The following WWOX variants were observed in gnomAD, a reference collection of about 807,000 sequenced individuals.
WWOX encodes WW domain-containing oxidoreductase.
Under a neutral mutation model 46.2 loss-of-function variants are expected in WWOX, and 69 were observed. That is an observed-to-expected ratio of 1.49 (90% CI 1.23 to 1.82). The LOEUF (loss-of-function observed/expected upper bound fraction) is 1.82, where lower values mean the gene tolerates loss of function less well. WWOX is among the 40% of genes most tolerant of loss of function. The probability of loss-of-function intolerance (pLI) is 0.00; values close to 1 mark genes in which losing one functional copy is unlikely to be tolerated. For missense variants in WWOX, 919 were observed against 542.6 expected, an observed-to-expected ratio of 1.69 and a Z score of -6.89; for synonymous variants, 359 against 202.6, an observed-to-expected ratio of 1.77 and a Z score of -6.56.
At chr16:78,978,841 C>G (rs947828696) in intron 8 of WWOX, among the ~76,000 whole-genome samples, 4 of 152,170 alleles carry the variant, frequency 2.6e-5, no homozygotes, top group Non-Finnish European at 4.4e-5. Flanking sequence ...CCACCAGGCC[C>G]CACCTCCAAC....
At chr16:78,672,453 C>T (rs2047489646) in intron 8 of WWOX, among the ~76,000 whole-genome samples, 1 of 152,150 alleles carries the variant, frequency 6.6e-6, no homozygotes, top group African/African-American at 2.4e-5. Context: ...TGGGTGTGTG[C>T]ACTCCTCATG....
chr16:78,642,781 A>G (rs954411015), intron 8 of WWOX, among the ~76,000 whole-genome samples: 1 of 152,146 alleles, frequency 6.6e-6, no homozygotes, highest in African/African-American at 2.4e-5. Flanking sequence ...GGCGTGAGGC[A>G]CACTCATGAC....
At chr16:78,747,492 A>G (rs1040000311) in intron 8 of WWOX, among the ~76,000 whole-genome samples, 1 of 152,152 alleles carries the variant, frequency 6.6e-6, no homozygotes, top group African/African-American at 2.4e-5. Context: ...CGTTCTTAGC[A>G]TCTCCCAACA....
intron 8 of WWOX, among the ~76,000 whole-genome samples, chr16:78,612,114 C>T (rs990021279): frequency 6.6e-6 from 1 of 152,192 alleles, no homozygotes; most frequent in African/African-American, 2.4e-5. Flanking sequence ...AATGAGGAAA[C>T]TTGTATTACC....
At chr16:78,926,126 G>T (rs992188744) in intron 8 of WWOX, among the ~76,000 whole-genome samples, 4 of 152,136 alleles carry the variant, frequency 2.6e-5, no homozygotes, top group African/African-American at 7.2e-5. Flanking sequence ...AGCACTTTGG[G>T]AGTGGATGGA....
rs182536484 is a variant in WWOX at position 78,199,862 on chromosome 16, T to C, written c.516+35573T>C. On this transcript the variant is annotated intron_variant, in intron 5 of 8. Transcript: ENST00000566780. Reference sequence around the variant, plus strand: ...TGTAGATTTCACTGTCAATGAGTCATTGACAGGCTAAGCAGGCTGTTGGAT... The same window carrying C: ...TGTAGATTTCACTGTCAATGAGTCACTGACAGGCTAAGCAGGCTGTTGGAT... 1.6e-3 allele frequency among the ~76,000 whole-genome samples: 248 copies of C among 152,294 alleles called. 1 individual carries two copies. Among genetic ancestry groups the C allele is most frequent in the African/African-American group, 5.7e-3 (236 of 41,568 alleles).
chr16:79,020,145 T>TACA (rs2047502141), intron 8 of WWOX, among the ~76,000 whole-genome samples: 1 of 152,172 alleles, frequency 6.6e-6, no homozygotes, highest in African/African-American at 2.4e-5. Flanking sequence ...GGGAGAGTGC[T>TACA]TGTCTTTGAA....
At chr16:79,055,406 G>C (rs1325357446) in intron 8 of WWOX, among the ~76,000 whole-genome samples, 1 of 152,126 alleles carries the variant, frequency 6.6e-6, no homozygotes, top group African/African-American at 2.4e-5. Flanking sequence ...GAATGTGGCT[G>C]AGTGGCCGTG....
At chr16:78,780,972 C>T (rs1454601267) in intron 8 of WWOX, among the ~76,000 whole-genome samples, 1 of 152,178 alleles carries the variant, frequency 6.6e-6, no homozygotes, top group Non-Finnish European at 1.5e-5. Flanking sequence ...CACCTTGGGG[C>T]CAGCCTGCAG....
chr16:78,715,873 C>T lies in WWOX; in HGVS notation c.1056+283121C>T, dbSNP rs184945048. On this transcript the variant is annotated intron_variant, in intron 8 of 8. Coordinates refer to ENST00000566780, the MANE Select transcript of WWOX (RefSeq NM_016373.4). ...TTTGGCATGGGCTGTGTCACATGACCCCTGAGCTGCAAGGAATGCTGGGAT... is the reference window on the plus strand; with the variant it reads ...TTTGGCATGGGCTGTGTCACATGACTCCTGAGCTGCAAGGAATGCTGGGAT... 2.6e-5 allele frequency among the ~76,000 whole-genome samples: 4 copies of T among 152,174 alleles called. No homozygotes were observed. In the East Asian group the frequency reaches 7.8e-4, roughly 29 times the overall value.
At chr16:78,622,779 G>A (rs2046221333) in intron 8 of WWOX, among the ~76,000 whole-genome samples, 1 of 152,136 alleles carries the variant, frequency 6.6e-6, no homozygotes, top group Admixed American at 6.5e-5. Flanking sequence ...AAGGGATTTT[G>A]GAAATACCAT....
chr16:79,120,830 A>G (rs1227389913), intron 8 of WWOX, among the ~76,000 whole-genome samples: 1 of 152,160 alleles, frequency 6.6e-6, no homozygotes, highest in Non-Finnish European at 1.5e-5. Context: ...GTGCAGTGGC[A>G]TGATCTTGGC....
chr16:79,020,992 A>T (rs1437260506), intron 8 of WWOX, among the ~76,000 whole-genome samples: 1 of 152,154 alleles, frequency 6.6e-6, no homozygotes, highest in African/African-American at 2.4e-5. Flanking sequence ...GGTCACCCCA[A>T]GTTATTCAGC....
chr16:79,047,146 TTTCA>T (rs1362664418), intron 8 of WWOX, among the ~76,000 whole-genome samples: 2 of 152,182 alleles, frequency 1.3e-5, no homozygotes, highest in Admixed American at 6.5e-5. Context: ...TCATTTATTC[TTTCA>T]TTCAGTCAAT....
intron 8 of WWOX, among the ~76,000 whole-genome samples, chr16:78,515,644 C>A (rs1033271831): frequency 2.0e-5 from 3 of 152,192 alleles, no homozygotes; most frequent in Non-Finnish European, 4.4e-5. Flanking sequence ...AAGCTTCCGT[C>A]AGCTTTCTTG....
At chr16:79,152,117 CT>C (rs542142723) in intron 8 of WWOX, among the ~76,000 whole-genome samples, 68 of 152,112 alleles carry the variant, frequency 4.5e-4, no homozygotes, top group Non-Finnish European at 8.2e-4. Context: ...CTACTTTTTC[CT>C]GTAGAGTAAA....
chr16:79,148,641 A>C (rs567587169), intron 8 of WWOX, among the ~76,000 whole-genome samples: 1 of 152,326 alleles, frequency 6.6e-6, no homozygotes, highest in African/African-American at 2.4e-5. Context: ...TATAGGTCTA[A>C]CATTAAACCT....
intron 5 of WWOX, among the ~76,000 whole-genome samples, chr16:78,376,501 AC>A (rs2081829784): frequency 6.6e-6 from 1 of 152,132 alleles, no homozygotes. Flanking sequence ...AATACAATGA[AC>A]CAGTTTTATT....
At chr16:78,762,564 A>G (rs1005536099) in intron 8 of WWOX, among the ~76,000 whole-genome samples, 6 of 152,208 alleles carry the variant, frequency 3.9e-5, no homozygotes, top group Admixed American at 2.0e-4. Flanking sequence ...CACTGCTGCC[A>G]TGAGTCGAGG....
Sources: allele counts gnomAD v4.1 joint callset (sites outside exome capture counted in the v4.1 genomes callset), GRCh38; gene constraint gnomAD v4.1.1; transcripts MANE v1.5; gene names NCBI Gene and HGNC (gene_info 2026-07-23, HGNC 2026-07-21).